Variants in MAGI2 observed in about 807,000 individuals in gnomAD.
MAGI2 encodes membrane associated guanylate kinase, WW and PDZ domain containing 2, also known as membrane-associated guanylate kinase, WW and PDZ domain-containing protein 2.
In MAGI2, 35 loss-of-function variants were observed where a neutral mutation model predicts 133.3. That is an observed-to-expected ratio of 0.26 (90% CI 0.20 to 0.35). The LOEUF is 0.35. Ranked by LOEUF, MAGI2 falls within the 10% of genes least tolerant of loss-of-function variation. The pLI, the probability that MAGI2 is intolerant of heterozygous loss-of-function variation, is 1.00. For synonymous variants in MAGI2, 729 were observed against 710.6 expected (o/e 1.03, Z -0.41); for missense variants, 1,636 against 1,863.4 (o/e 0.88, Z 2.25).
chr7:78,714,127 G>A (rs1466206707), intron 2 of MAGI2, among the ~76,000 whole-genome samples: 1 of 151,790 alleles, frequency 6.6e-6, no homozygotes, highest in Non-Finnish European at 1.5e-5. Flanking sequence ...TATGAATAGT[G>A]TACATAAACA....
chr7:79,047,319 A>T (rs1812261787), intron 1 of MAGI2, among the ~76,000 whole-genome samples: 1 of 152,088 alleles, frequency 6.6e-6, no homozygotes, highest in Non-Finnish European at 1.5e-5. Context: ...GTGCTAAATT[A>T]CTCTTTATTA....
chr7:78,185,605 C>T, intron 13 of MAGI2, 24 bp downstream of exon 13: 2 of 1,544,056 alleles, frequency 1.3e-6, no homozygotes, highest in East Asian at 2.3e-5. Flanking sequence ...GTTCACAGAA[C>T]TGTGAGTACT....
At chr7:79,133,537 C>G (rs1007404524) in intron 1 of MAGI2, among the ~76,000 whole-genome samples, 1 of 152,122 alleles carries the variant, frequency 6.6e-6, no homozygotes, top group Non-Finnish European at 1.5e-5. Context: ...CAGTATCATG[C>G]TGTTTTGGTA....
intron 3 of MAGI2, among the ~76,000 whole-genome samples, chr7:78,576,906 C>T (rs1802325115): frequency 6.6e-6 from 1 of 152,118 alleles, no homozygotes; most frequent in Admixed American, 6.5e-5. Flanking sequence ...CAAGACCAGT[C>T]TGGCCAATAT....
intron 2 of MAGI2, among the ~76,000 whole-genome samples, chr7:79,003,851 T>C (rs974912143): frequency 6.6e-6 from 1 of 152,008 alleles, no homozygotes; most frequent in Non-Finnish European, 1.5e-5. Flanking sequence ...TATGAAAAAA[T>C]GTTCAACATC....
intron 2 of MAGI2, among the ~76,000 whole-genome samples, chr7:78,955,835 TTCTGAGGTC>T (rs541349733): frequency 5.0e-4 from 76 of 151,552 alleles, no homozygotes; most frequent in Non-Finnish European, 9.9e-4. Context: ...AGTAATAATT[TTCTGAGGTC>T]TCACAGATTT....
At chr7:78,580,244 C>T (rs1002585603) in intron 3 of MAGI2, among the ~76,000 whole-genome samples, 1 of 152,056 alleles carries the variant, frequency 6.6e-6, no homozygotes, top group Non-Finnish European at 1.5e-5. Context: ...AAGAATCTGA[C>T]AGTACAGAGC....
At chr7:78,025,982 C>T (rs1330824788) in intron 21 of MAGI2, 1 of 152,456 alleles carries the variant, frequency 6.6e-6, no homozygotes, top group East Asian at 1.9e-4. Context: ...TTCCAATGAA[C>T]CCACAGGTAA....
At chr7:78,960,784 C>A (rs1054188958) in intron 2 of MAGI2, among the ~76,000 whole-genome samples, 6 of 152,066 alleles carry the variant, frequency 3.9e-5, no homozygotes, top group African/African-American at 1.4e-4. Context: ...GGAACTAACT[C>A]CAAACCATGG....
chr7:78,583,013 A>G (rs1182386633), intron 3 of MAGI2, among the ~76,000 whole-genome samples: 1 of 152,220 alleles, frequency 6.6e-6, no homozygotes, highest in Non-Finnish European at 1.5e-5. Flanking sequence ...AAATTCTGTG[A>G]TTCTTTTATT....
chr7:78,687,031 G>T (rs949750426), intron 2 of MAGI2, among the ~76,000 whole-genome samples: 3 of 152,132 alleles, frequency 2.0e-5, no homozygotes, highest in Admixed American at 2.0e-4. Flanking sequence ...TCAGTCCAGC[G>T]CATTGCATTA....
chr7:78,095,931 A>G (rs1416078393), intron 20 of MAGI2, among the ~76,000 whole-genome samples: 1 of 152,230 alleles, frequency 6.6e-6, no homozygotes, highest in Non-Finnish European at 1.5e-5. Flanking sequence ...AACTAGATAA[A>G]GCTTGTGGAT....
At chr7:78,868,410 C>G (rs975479094) in intron 2 of MAGI2, among the ~76,000 whole-genome samples, 5 of 152,166 alleles carry the variant, frequency 3.3e-5, no homozygotes, top group African/African-American at 1.2e-4. Context: ...AGAGCAAGGT[C>G]TTCAACTTAA....
At chr7:79,318,984 G>A (rs1838963044) in intron 1 of MAGI2, among the ~76,000 whole-genome samples, 1 of 152,098 alleles carries the variant, frequency 6.6e-6, no homozygotes, top group African/African-American at 2.4e-5. Context: ...CTTGGGAGCT[G>A]CTATTCGCAA....
chr7:78,873,385 C>A (rs1795185768), intron 2 of MAGI2, among the ~76,000 whole-genome samples: 1 of 152,086 alleles, frequency 6.6e-6, no homozygotes, highest in Admixed American at 6.6e-5. Context: ...GCATTACTCC[C>A]TGACCTCCAT....
At chr7:78,180,860 A>G (rs537183478) in intron 13 of MAGI2, among the ~76,000 whole-genome samples, 2 of 148,700 alleles carry the variant, frequency 1.3e-5, no homozygotes, top group African/African-American at 5.0e-5. Flanking sequence ...GGTCTGGACT[A>G]TTTTACAGAA....
chr7:78,499,427 A>G (rs1480968440), intron 5 of MAGI2, among the ~76,000 whole-genome samples: 4 of 152,192 alleles, frequency 2.6e-5, no homozygotes, highest in African/African-American at 9.6e-5. Context: ...CATCTTGCCA[A>G]CAAGTTTGAA....
At chr7:78,854,068 A>T (rs575918004) in intron 2 of MAGI2, among the ~76,000 whole-genome samples, 4 of 152,080 alleles carry the variant, frequency 2.6e-5, no homozygotes, top group African/African-American at 9.7e-5. Context: ...CTTTCTGGGG[A>T]TCAACTGTCA....
chr7:78,350,159 A>G (rs1334212675), intron 7 of MAGI2: 2 of 152,168 alleles, frequency 1.3e-5, no homozygotes, highest in Non-Finnish European at 2.9e-5. Context: ...GATGCTTCCA[A>G]ATTAAAAGTG....
Sources: gnomAD v4.1 joint callset for allele counts (sites outside exome capture counted in the v4.1 genomes callset) on GRCh38, gnomAD v4.1.1 for gene constraint, MANE v1.5 for transcripts, NCBI Gene and HGNC (gene_info 2026-07-23, HGNC 2026-07-21) for gene names.